The following DOK5 variants were observed in gnomAD, a reference collection of about 807,000 sequenced individuals.
DOK5 encodes docking protein 5.
Under a neutral mutation model 43.3 loss-of-function variants are expected in DOK5, and 27 were observed. The observed-to-expected ratio is 0.62, with a 90% CI of 0.46 to 0.86. The LOEUF (loss-of-function observed/expected upper bound fraction) is 0.86, where lower values mean the gene tolerates loss of function less well. Among genes scored for constraint, DOK5 ranks in the 40% least tolerant of loss-of-function variants. The probability of loss-of-function intolerance (pLI) is 0.00; values close to 1 mark genes in which losing one functional copy is unlikely to be tolerated. For missense variants in DOK5, 373 were observed against 392.9 expected, an observed-to-expected ratio of 0.95 and a Z score of 0.43; for synonymous variants, 146 against 140.1, an observed-to-expected ratio of 1.04 and a Z score of -0.30.
chr20:54,533,325 T>G (rs1308353268), intron 1 of DOK5, among the ~76,000 whole-genome samples: 1 of 152,222 alleles, frequency 6.6e-6, no homozygotes, highest in Non-Finnish European at 1.5e-5. Context: ...TTGAGAGCTA[T>G]TGCTGTAAGC....
At chr20:54,525,078 G>T (rs938263201) in intron 1 of DOK5, among the ~76,000 whole-genome samples, 9 of 152,208 alleles carry the variant, frequency 5.9e-5, no homozygotes, top group Admixed American at 3.3e-4. Context: ...AAGTGGCATT[G>T]CTCTGAGCAC....
chr20:54,600,755 A>T (rs753200283), intron 5 of DOK5, among the ~76,000 whole-genome samples: 20 of 152,180 alleles, frequency 1.3e-4, no homozygotes, highest in Non-Finnish European at 2.1e-4. Flanking sequence ...ATATCACATG[A>T]CCTGAAGCCG....
chr20:54,475,816 G>A lies in DOK5; in HGVS notation c.-131G>A, dbSNP rs531171846. On this transcript the variant is annotated 5_prime_UTR_variant, in exon 1 of 8. Transcript: ENST00000262593. This position sits in a 1 kb window ranked among gnomAD's most constrained non-coding sequence, Gnocchi z 4.2. ...TGTGCGCCTTCTAAAGCCTCGCCCA[G>A]CGCCGCCGAAGCAGCTTCACCTCTC... is the stretch of plus-strand genomic sequence containing the variant. 5 of 1,108,546 alleles carry A rather than the reference G, an allele frequency of 4.5e-6. No individual in the cohort carries two copies. In the East Asian group the frequency reaches 1.0e-4, roughly 22 times the overall value. The allele number at this position is 1,108,546 out of a possible 1,614,324, so 68.7% of individuals were successfully genotyped here.
At position 54,643,490 on chromosome 20, in the gene DOK5, G is replaced by T; in HGVS notation, c.768G>T (p.Ser256=). The part of the protein sequence containing the change: ...LQMKMSERAA[S]LSTMVPLPRS... ...TGAAGATGAGTGAGCGGGCCGCCTC[G>T]CTGAGCACCATGGTGCCCCTGCCTC... Residue 256 remains serine (S), a synonymous_variant, in exon 7 of 8, where the codon TCG becomes TCT. Transcript: ENST00000262593. The T allele has an allele frequency of 6.2e-7, 1 of 1,613,548 alleles. No homozygotes were observed.
chr20:54,605,328 T>A (rs1986438800), intron 5 of DOK5, among the ~76,000 whole-genome samples: 2 of 152,256 alleles, frequency 1.3e-5, no homozygotes, highest in Non-Finnish European at 2.9e-5. Flanking sequence ...TGTGCAATGT[T>A]ATGGGCAAAA....
At chr20:54,526,838 A>T (rs1983593513) in intron 1 of DOK5, among the ~76,000 whole-genome samples, 1 of 152,224 alleles carries the variant, frequency 6.6e-6, no homozygotes, top group Admixed American at 6.5e-5. Flanking sequence ...AGAAAAGTGC[A>T]ATTTCTTATT....
In DOK5 at chr20:54,645,263, C is replaced by G. The variant is rs569464337; in HGVS notation, c.856+1685C>G. Among the ~76,000 whole-genome samples, 90 of 137,204 alleles carry G rather than the reference C, an allele frequency of 6.6e-4. 2 individuals carry two copies. The highest frequency in any genetic ancestry group is 2.0e-3 in the African/African-American group (76 of 37,184). 90.0% of individuals were successfully genotyped at this position (137,204 alleles called of 152,430 possible). A position where few individuals can be genotyped will look rare whatever the true frequency, so the allele number is the denominator to read the frequency against. On this transcript the variant is annotated intron_variant, in intron 7 of 7. Coordinates refer to ENST00000262593, the MANE Select transcript of DOK5 (RefSeq NM_018431.5). ...GTCCTCCATGCTCGCTCTGAACCCTCAGTCCTCCATGCCCGCTCTGAACCC... is the reference window on the plus strand; with the variant it reads ...GTCCTCCATGCTCGCTCTGAACCCTGAGTCCTCCATGCCCGCTCTGAACCC...
rs190969464 is a variant in DOK5 at position 54,554,170 on chromosome 20, A to T, written c.67-763A>T. The stretch of plus-strand genomic sequence containing the variant: ...TGATGGGTTCCTGGGGATATAGATG[A>T]TTTCCAAGAAACCCAGAGGAAAGGC... On this transcript the variant is annotated intron_variant, in intron 1 of 7. Coordinates refer to ENST00000262593, the MANE Select transcript of DOK5 (RefSeq NM_018431.5). Among the ~76,000 whole-genome samples, 18 of 152,282 alleles carry T rather than the reference A, an allele frequency of 1.2e-4. No homozygotes were observed. The East Asian group carries it at 2.9e-3, about 25-fold the overall frequency.
At chr20:54,648,275 C>A (rs986015295) in intron 7 of DOK5, among the ~76,000 whole-genome samples, 2 of 152,092 alleles carry the variant, frequency 1.3e-5, no homozygotes, top group African/African-American at 4.8e-5. Context: ...ATACCTGGGA[C>A]TCCTAGGCAG....
intron 1 of DOK5, chr20:54,476,266 G>A (rs1459189806): frequency 2.2e-6 from 2 of 903,450 alleles, no homozygotes; most frequent in Non-Finnish European, 2.6e-6. Flanking sequence ...GTAGCCCCTG[G>A]AGCCCATCTA....
intron 1 of DOK5, among the ~76,000 whole-genome samples, chr20:54,549,035 G>A (rs1984436956): frequency 6.6e-6 from 1 of 152,166 alleles, no homozygotes; most frequent in Non-Finnish European, 1.5e-5. Context: ...GCCACCATGT[G>A]CCACCTTTTG....
At chr20:54,508,574 A>ATATTTATT (rs567354410) in intron 1 of DOK5, among the ~76,000 whole-genome samples, 2 of 151,486 alleles carry the variant, frequency 1.3e-5, no homozygotes, top group African/African-American at 4.9e-5. Context: ...TTTAATTTTT[A>ATATTTATT]TATTTATTTA....
At chr20:54,547,891 T>C (rs1319961942) in intron 1 of DOK5, among the ~76,000 whole-genome samples, 3 of 152,242 alleles carry the variant, frequency 2.0e-5, no homozygotes, top group Non-Finnish European at 2.9e-5. Flanking sequence ...CAAAGACACA[T>C]ATTTTTCAAA....
In DOK5 at chr20:54,618,756, G is replaced by A. The variant is rs1161174951; in HGVS notation, c.735+8233G>A. Among the ~76,000 whole-genome samples the A allele has an allele frequency of 3.3e-5, 5 of 152,056 alleles. 1 individual carries two copies. Among genetic ancestry groups the A allele is most frequent in the African/African-American group, 1.2e-4 (5 of 41,510 alleles). On this transcript the variant is annotated intron_variant, in intron 6 of 7. Transcript: ENST00000262593. ...GTTAGGGCTGAGCACAGTGACTCAT[G>A]CCTATAATCTTAGCACTTTGAGAGG... is the stretch of plus-strand genomic sequence containing the variant.
chr20:54,509,324 G>A (rs552367561), intron 1 of DOK5, among the ~76,000 whole-genome samples: 172 of 152,244 alleles, frequency 1.1e-3, no homozygotes, highest in Non-Finnish European at 2.2e-3. Flanking sequence ...CCCAGTAGAT[G>A]GGACTACAGT....
intron 1 of DOK5, among the ~76,000 whole-genome samples, chr20:54,520,439 G>A (rs1600677165): frequency 6.6e-6 from 1 of 151,942 alleles, no homozygotes; most frequent in African/African-American, 2.4e-5. Context: ...TTTTGATTGA[G>A]GTGATTTTTG....
chr20:54,579,686 CATA>C (rs1985573957), intron 2 of DOK5, among the ~76,000 whole-genome samples: 2 of 152,116 alleles, frequency 1.3e-5, no homozygotes, highest in African/African-American at 2.4e-5. Context: ...CTTCACATAG[CATA>C]ATGTTTTCAA....
chr20:54,613,993 C>T (rs1259399255), intron 6 of DOK5, among the ~76,000 whole-genome samples: 1 of 150,196 alleles, frequency 6.7e-6, no homozygotes. Context: ...GACCCCATCT[C>T]TAATATATAT....
intron 6 of DOK5, among the ~76,000 whole-genome samples, chr20:54,615,694 G>C (rs879075065): frequency 1.3e-5 from 2 of 152,100 alleles, no homozygotes; most frequent in African/African-American, 4.8e-5. Flanking sequence ...GGTGGATCAC[G>C]AGGTCAAGAG....
Sources: allele counts gnomAD v4.1 joint callset (sites outside exome capture counted in the v4.1 genomes callset), GRCh38; gene constraint gnomAD v4.1.1; non-coding constraint Gnocchi (gnomAD v3.1); transcripts MANE v1.5; gene names NCBI Gene and HGNC (gene_info 2026-07-23, HGNC 2026-07-21).